The following HPR variants were observed in gnomAD, a reference collection of about 807,000 sequenced individuals.
HPR encodes Haptoglobin-related locus.
HPR carries 17 observed loss-of-function variants against 18.5 expected under a neutral mutation model. That is an observed-to-expected ratio of 0.92 (90% confidence interval 0.63 to 1.38). The LOEUF (loss-of-function observed/expected upper bound fraction) is 1.38, where lower values mean the gene tolerates loss of function less well. HPR is among the 40% of genes most tolerant of loss of function. The probability of loss-of-function intolerance (pLI) is 0.00; values close to 1 mark genes in which losing one functional copy is unlikely to be tolerated. For synonymous variants in HPR, 176 were observed against 165.0 expected (o/e 1.07, Z -0.51); for missense variants, 457 against 432.4 (o/e 1.06, Z -0.51).
chr16:72,066,453 G>A (rs564019649), intron 1 of HPR, among the ~76,000 whole-genome samples: 1 of 152,278 alleles, frequency 6.6e-6, no homozygotes, highest in Non-Finnish European at 1.5e-5. Flanking sequence ...TGCTGCCCAA[G>A]CAAGACTCCT....
intron 1 of HPR, among the ~76,000 whole-genome samples, chr16:72,067,506 C>T (rs1352807524): frequency 1.3e-5 from 2 of 152,154 alleles, no homozygotes; most frequent in East Asian, 3.9e-4. Context: ...TACAAGTCAG[C>T]CCAAAGGGAT....
chr16:72,064,893 G>A (rs968439905), intron 1 of HPR, among the ~76,000 whole-genome samples: 5 of 152,142 alleles, frequency 3.3e-5, no homozygotes, highest in South Asian at 4.1e-4. Context: ...GTAAGGAATC[G>A]AGACCCACCT....
intron 3 of HPR, 81 bp from the exon 4 acceptor site, chr16:72,075,064 C>T (rs1275835145): frequency 9.6e-6 from 7 of 729,432 alleles, no homozygotes; most frequent in Admixed American, 4.4e-5. Context: ...CTTTTTAATT[C>T]TTCTCCTTAA....
chr16:72,074,734 G>A (rs2041699151), intron 3 of HPR: 2 of 702,456 alleles, frequency 2.8e-6, no homozygotes, highest in East Asian at 2.7e-5. Context: ...TGCTCTAAGG[G>A]CTTTATATTT....
At chr16:72,069,620 C>T (rs1313570066) in intron 1 of HPR, among the ~76,000 whole-genome samples, 1 of 152,104 alleles carries the variant, frequency 6.6e-6, no homozygotes, top group Non-Finnish European at 1.5e-5. Context: ...CACTGGGGAT[C>T]CCAAGCCATG....
At chr16:72,073,518 C>T (rs2041679474) in intron 1 of HPR, among the ~76,000 whole-genome samples, 1 of 152,048 alleles carries the variant, frequency 6.6e-6, no homozygotes, top group Non-Finnish European at 1.5e-5. Context: ...TTTCTCTTTC[C>T]TGGAGGGCTT....
intron 1 of HPR, among the ~76,000 whole-genome samples, chr16:72,071,993 C>A (rs2041661632): frequency 6.6e-6 from 1 of 151,982 alleles, no homozygotes. Context: ...AGATAAACTA[C>A]ATTTATTACA....
intron 1 of HPR, among the ~76,000 whole-genome samples, chr16:72,064,223 A>C (rs2041573786): frequency 6.6e-6 from 1 of 152,194 alleles, no homozygotes; most frequent in African/African-American, 2.4e-5. Context: ...CTAAAGGTGA[A>C]TTATCACAAA....
intron 1 of HPR, among the ~76,000 whole-genome samples, chr16:72,072,894 G>A (rs1290155562): frequency 6.6e-6 from 1 of 152,138 alleles, no homozygotes; most frequent in Non-Finnish European, 1.5e-5. Flanking sequence ...TTCTTCAAAG[G>A]TTCAGCTTGC....
intron 1 of HPR, among the ~76,000 whole-genome samples, chr16:72,064,361 C>G (rs56129242): frequency 0.13 from 19,768 of 151,842 alleles, 1,700 homozygotes; most frequent in South Asian, 0.19. Flanking sequence ...GACTTCCTTA[C>G]TCTCTGTGTT....
At chr16:72,072,327 T>C (rs2041666483) in intron 1 of HPR, among the ~76,000 whole-genome samples, 1 of 152,168 alleles carries the variant, frequency 6.6e-6, no homozygotes, top group Non-Finnish European at 1.5e-5. Context: ...TTAATTATAC[T>C]AGAGATGCTC....
chr16:72,074,374 CAGA>C lies in HPR; in HGVS notation c.185_187del (p.Glu62del), dbSNP rs767505003. ...TGTAAGAACTACTACAGACTGCGCACAGAAGGAGATGGTAAGACCTGGACAACT... is the reference window on the plus strand; with the variant it reads ...TGTAAGAACTACTACAGACTGCGCACAGGAGATGGTAAGACCTGGACAACT... On this transcript the variant is annotated inframe_deletion, in exon 3 of 5. Transcript: ENST00000540303. 1.1e-5 allele frequency: 18 copies of C among 1,611,894 alleles called. No individual in the cohort carries two copies. The highest frequency in any genetic ancestry group is 9.3e-5 in the African/African-American group (7 of 74,878).
Position 72,076,131 on chromosome 16 carries a change from A to AAACAG in HPR, c.269-170_269-169insCAGAA, listed in dbSNP as rs752603442. 7.1e-4 allele frequency among the ~76,000 whole-genome samples: 108 copies of AAACAG among 152,334 alleles called. 1 individual carries two copies. The highest frequency in any genetic ancestry group is 1.9e-3 in the Admixed American group (29 of 15,302). On this transcript the variant is annotated intron_variant, in intron 4 of 4. Coordinates refer to ENST00000540303, the MANE Select transcript of HPR (RefSeq NM_020995.4). ...CTTTTTGTAATGTAAACAATTAAAA[A>AAACAG]AATTATTTTAAAACTGCAACTATTG...
At chr16:72,066,420 G>A (rs905184653) in intron 1 of HPR, among the ~76,000 whole-genome samples, 6 of 152,138 alleles carry the variant, frequency 3.9e-5, no homozygotes, top group African/African-American at 1.2e-4. Context: ...TGGTCAAAAC[G>A]TTCCTACTGT....
intron 1 of HPR, among the ~76,000 whole-genome samples, chr16:72,064,227 T>C (rs2041573836): frequency 6.6e-6 from 1 of 152,200 alleles, no homozygotes; most frequent in African/African-American, 2.4e-5. Flanking sequence ...AGGTGAATTA[T>C]CACAAAATAC....
intron 1 of HPR, among the ~76,000 whole-genome samples, chr16:72,063,819 C>T (rs1194433499): frequency 2.6e-5 from 4 of 151,886 alleles, no homozygotes; most frequent in East Asian, 1.9e-4. Context: ...CTCAGCTCAT[C>T]GCAACCTCCC....
At chr16:72,067,188 A>G (rs1471883308) in intron 1 of HPR, among the ~76,000 whole-genome samples, 3 of 152,166 alleles carry the variant, frequency 2.0e-5, no homozygotes, top group Non-Finnish European at 2.9e-5. Flanking sequence ...GGCTCTGTCT[A>G]TATTATCTTG....
At position 72,073,900 on chromosome 16, in the gene HPR, G is replaced by A. The variant is rs747813100; in HGVS notation, c.14G>A (p.Gly5Glu). ...TTGTTTTCTCTCTGCAGTGACCTGG[G>A]AGCTGTCATTTCCCTCCTGCTCTGG... MSDL[G>E]AVISLLLWGR... The change falls in exon 2 of 5, where the codon GGA becomes GAA. Residue 5 changes from glycine (G) to glutamate (E), a missense_variant. Coordinates refer to ENST00000540303, the MANE Select transcript of HPR (RefSeq NM_020995.4). 2 of 1,613,992 alleles carry A rather than the reference G, an allele frequency of 1.2e-6. No homozygotes were observed. The highest frequency in any genetic ancestry group is 1.7e-6 in the Non-Finnish European group (2 of 1,180,004).
intron 1 of HPR, among the ~76,000 whole-genome samples, chr16:72,066,547 C>T (rs887375671): frequency 2.6e-5 from 4 of 152,026 alleles, no homozygotes; most frequent in Non-Finnish European, 5.9e-5. Context: ...TGAATCCATA[C>T]CCAGAACTCA....
Sources: allele counts gnomAD v4.1 joint callset (sites outside exome capture counted in the v4.1 genomes callset), GRCh38; gene constraint gnomAD v4.1.1; transcripts MANE v1.5; gene names NCBI Gene and HGNC (gene_info 2026-07-23, HGNC 2026-07-21).